RNF185: variants seen among roughly 807,000 people sequenced by gnomAD.
RNF185 encodes the protein E3 ubiquitin-protein ligase RNF185.
In RNF185, 13 loss-of-function variants were observed where a neutral mutation model predicts 24.9. The observed-to-expected ratio is 0.52, with a 90% CI of 0.34 to 0.83. The LOEUF is 0.83. Among genes scored for constraint, RNF185 ranks in the 40% least tolerant of loss-of-function variants. The pLI, the probability that RNF185 is intolerant of heterozygous loss-of-function variation, is 0.01. For synonymous variants in RNF185, 79 were observed against 90.3 expected (o/e 0.88, Z 0.71); for missense variants, 184 against 244.7 (o/e 0.75, Z 1.65).
chr22:31,172,948 T>C (rs1254712317), intron 1 of RNF185, among the ~76,000 whole-genome samples: 2 of 152,180 alleles, frequency 1.3e-5, no homozygotes, highest in Non-Finnish European at 2.9e-5. Flanking sequence ...CCTTGACTGG[T>C]ATCTGTCCAG....
chr22:31,180,915 C>CTGTGTG (rs567264606), intron 1 of RNF185, among the ~76,000 whole-genome samples: 2,068 of 96,810 alleles, frequency 0.021, 36 homozygotes, highest in East Asian at 0.056. Flanking sequence ...CTCTCTCTCT[C>CTGTGTG]TGTGTGTGTG....
At chr22:31,170,333 T>C (rs1052882088) in intron 1 of RNF185, among the ~76,000 whole-genome samples, 3 of 151,926 alleles carry the variant, frequency 2.0e-5, no homozygotes, top group African/African-American at 7.3e-5. Context: ...GGACTACATT[T>C]GCCTGCCACC....
chr22:31,181,973 T>G (rs1400657792), intron 1 of RNF185, among the ~76,000 whole-genome samples: 1 of 151,810 alleles, frequency 6.6e-6, no homozygotes, highest in Non-Finnish European at 1.5e-5. Flanking sequence ...CTGCACGTTG[T>G]GCACATGTAC....
chr22:31,198,676 G>A (rs960941913), intron 5 of RNF185, among the ~76,000 whole-genome samples: 5 of 147,584 alleles, frequency 3.4e-5, no homozygotes, highest in Non-Finnish European at 7.4e-5. Flanking sequence ...TGGGATTACA[G>A]GCGTGAGCCA....
Position 31,192,712 on chromosome 22 carries a change from A to G in RNF185, c.195+10A>G, listed in dbSNP as rs1379614289. ...GCCGTGTTTACATCAGGTAAGATGC[A>G]TTTCATTTTACTTTGTCTTTCATCA... On this transcript the variant is annotated intron_variant, in intron 3 of 6. Coordinates refer to ENST00000326132, the MANE Select transcript of RNF185 (RefSeq NM_152267.4). 4 of 1,613,276 alleles carry G rather than the reference A, an allele frequency of 2.5e-6. No individual in the cohort carries two copies. The highest frequency in any genetic ancestry group is 3.3e-5 in the Admixed American group (2 of 59,968).
chr22:31,168,170 T>C (rs1240593915), intron 1 of RNF185, among the ~76,000 whole-genome samples: 1 of 152,214 alleles, frequency 6.6e-6, no homozygotes, highest in Non-Finnish European at 1.5e-5. Flanking sequence ...AAGTACGTCA[T>C]ATAAGTAGAA....
chr22:31,163,975 CTTATTA>C (rs899192971), intron 1 of RNF185, among the ~76,000 whole-genome samples: 13 of 145,630 alleles, frequency 8.9e-5, no homozygotes, highest in Non-Finnish European at 1.4e-4. Context: ...TGCCTGGCCC[CTTATTA>C]TTATTATTAT....
chr22:31,173,327 A>AT (rs1182801819), intron 1 of RNF185, among the ~76,000 whole-genome samples: 1 of 150,782 alleles, frequency 6.6e-6, no homozygotes, highest in South Asian at 2.1e-4. Flanking sequence ...TAGGATACTG[A>AT]TTTTCCACAA....
intron 3 of RNF185, among the ~76,000 whole-genome samples, chr22:31,193,995 C>T (rs2048180188): frequency 2.0e-5 from 3 of 149,570 alleles, no homozygotes; most frequent in South Asian, 4.3e-4. Flanking sequence ...CGGGTTCAAG[C>T]GATTCTTGTG....
chr22:31,165,861 C>CATA (rs1349409015), intron 1 of RNF185, among the ~76,000 whole-genome samples: 1 of 152,186 alleles, frequency 6.6e-6, no homozygotes, highest in African/African-American at 2.4e-5. Context: ...CTCATAGCTA[C>CATA]ATAACTACAG....
chr22:31,171,605 G>C (rs115632029), intron 1 of RNF185, among the ~76,000 whole-genome samples: 24 of 152,306 alleles, frequency 1.6e-4, no homozygotes, highest in African/African-American at 5.1e-4. Flanking sequence ...CAATATTATA[G>C]ACTTTTCAAA....
At chr22:31,160,900 AG>A (rs982295514) in intron 1 of RNF185, among the ~76,000 whole-genome samples, 80 of 152,264 alleles carry the variant, frequency 5.3e-4, no homozygotes, top group African/African-American at 1.8e-3. Context: ...ACTTATGCGT[AG>A]GGGGGTCCTG....
intron 1 of RNF185, among the ~76,000 whole-genome samples, chr22:31,165,540 G>A (rs1371269436): frequency 6.6e-6 from 1 of 152,174 alleles, no homozygotes; most frequent in African/African-American, 2.4e-5. Flanking sequence ...CAAATTCTGA[G>A]GCAATGCCAG....
chr22:31,184,897 A>AGACCGTGCAAAGGGGAGACGAG (rs1304876186), intron 1 of RNF185, among the ~76,000 whole-genome samples: 1 of 132,102 alleles, frequency 7.6e-6, no homozygotes, highest in African/African-American at 2.9e-5. Context: ...CATCAGAGGG[A>AGACCGTGCAAAGGGGAGACGAG]GACCGTGCAA....
intron 1 of RNF185, among the ~76,000 whole-genome samples, chr22:31,181,393 A>G (rs929740676): frequency 6.6e-6 from 1 of 152,164 alleles, no homozygotes; most frequent in Non-Finnish European, 1.5e-5. Context: ...ACACACACAC[A>G]GACTATTACA....
chr22:31,184,375 T>A (rs560039330), intron 1 of RNF185, among the ~76,000 whole-genome samples: 9 of 143,760 alleles, frequency 6.3e-5, no homozygotes, highest in Non-Finnish European at 1.2e-4. Flanking sequence ...AGGGAGAGAC[T>A]CTCCTCACTT....
At chr22:31,187,400 T>G in intron 2 of RNF185, 130 bp downstream of exon 2, 1 of 954,950 alleles carries the variant, frequency 1.0e-6, no homozygotes, top group Admixed American at 2.7e-5. Flanking sequence ...ACAAGAGACC[T>G]GAGTTCCCAT....
At chr22:31,187,924 TG>T (rs2048115817) in intron 2 of RNF185, among the ~76,000 whole-genome samples, 1 of 74,610 alleles carries the variant, frequency 1.3e-5, no homozygotes, top group Non-Finnish European at 2.4e-5. Flanking sequence ...TGGTTTTTTG[TG>T]TGTGTGTGTG....
At chr22:31,199,818 T>A (rs2048243286) in intron 5 of RNF185, among the ~76,000 whole-genome samples, 1 of 152,164 alleles carries the variant, frequency 6.6e-6, no homozygotes, top group African/African-American at 2.4e-5. Context: ...GCTGTTAGGC[T>A]TTATAGGTGA....
Sources: allele counts gnomAD v4.1 joint callset (sites outside exome capture counted in the v4.1 genomes callset), GRCh38; gene constraint gnomAD v4.1.1; transcripts MANE v1.5; gene names NCBI Gene and HGNC (gene_info 2026-07-23, HGNC 2026-07-21).